TRPS1: variants seen among roughly 807,000 people sequenced by gnomAD.
TRPS1 encodes zinc finger transcription factor Trps1.
A neutral mutation model predicts 101.2 loss-of-function variants in TRPS1; 6 were observed. The ratio of observed to expected loss-of-function variants is 0.06; its 90% CI spans 0.03 to 0.12. The LOEUF (loss-of-function observed/expected upper bound fraction) is 0.12, where lower values mean the gene tolerates loss of function less well. Among genes scored for constraint, TRPS1 ranks in the 10% least tolerant of loss-of-function variants. The pLI, the probability that TRPS1 is intolerant of heterozygous loss-of-function variation, is 1.00. For synonymous variants in TRPS1, 578 were observed against 589.8 expected (o/e 0.98, Z 0.29); for missense variants, 1,363 against 1,567.0 (o/e 0.87, Z 2.20).
chr8:115,562,189 G>T (rs909298517), intron 5 of TRPS1, among the ~76,000 whole-genome samples: 1 of 151,842 alleles, frequency 6.6e-6, no homozygotes, highest in African/African-American at 2.4e-5. Context: ...ATAGACCAAT[G>T]ATATTAAAAA....
chr8:115,523,922 C>T (rs1815930117), intron 5 of TRPS1, among the ~76,000 whole-genome samples: 1 of 152,122 alleles, frequency 6.6e-6, no homozygotes, highest in African/African-American at 2.4e-5. Flanking sequence ...CTTCCATTCT[C>T]TTTCCAAAAT....
chr8:115,461,430 C>T (rs1039163325), intron 5 of TRPS1, among the ~76,000 whole-genome samples: 1 of 152,050 alleles, frequency 6.6e-6, no homozygotes, highest in Non-Finnish European at 1.5e-5. Flanking sequence ...TTGAAGCAAT[C>T]AATAGTTTGC....
intron 4 of TRPS1, among the ~76,000 whole-genome samples, chr8:115,588,874 T>TA (rs1256472225): frequency 1.3e-5 from 2 of 152,204 alleles, no homozygotes; most frequent in South Asian, 2.1e-4. Flanking sequence ...CATTGGTGAA[T>TA]AAAAGATATA....
At chr8:115,630,789 T>A (rs1425652314) in intron 1 of TRPS1, among the ~76,000 whole-genome samples, 1 of 152,046 alleles carries the variant, frequency 6.6e-6, no homozygotes, top group Non-Finnish European at 1.5e-5. Context: ...ATCGCTTGTC[T>A]AGGTGCAGAC....
intron 5 of TRPS1, among the ~76,000 whole-genome samples, chr8:115,499,575 AAG>A (rs1815250166): frequency 6.6e-6 from 1 of 152,202 alleles, no homozygotes; most frequent in Admixed American, 6.5e-5. Flanking sequence ...TCTAAACAAC[AAG>A]AAAAACAGTT....
At chr8:115,616,543 C>G (rs1221631567) in intron 3 of TRPS1, among the ~76,000 whole-genome samples, 1 of 146,318 alleles carries the variant, frequency 6.8e-6, no homozygotes, top group African/African-American at 2.6e-5. Flanking sequence ...TTTTTTTTGG[C>G]CTAAAATGTC....
chr8:115,632,806 GA>G (rs1426112372), intron 1 of TRPS1, among the ~76,000 whole-genome samples: 1 of 152,116 alleles, frequency 6.6e-6, no homozygotes, highest in African/African-American at 2.4e-5. Flanking sequence ...TAGCAGTCAG[GA>G]GAGTGACTGA....
chr8:115,662,823 A>G (rs2130632650), intron 1 of TRPS1, among the ~76,000 whole-genome samples: 1 of 152,190 alleles, frequency 6.6e-6, no homozygotes, highest in Non-Finnish European at 1.5e-5. Flanking sequence ...TTTTCAATCT[A>G]AAAATGCATT....
At chr8:115,459,324 A>AAATAATAATAATAATAAT (rs61516910) in intron 5 of TRPS1, among the ~76,000 whole-genome samples, 210 of 149,942 alleles carry the variant, frequency 1.4e-3, no homozygotes, top group Middle Eastern at 3.5e-3. Context: ...ACTCTGTCTC[A>AAATAATAATAATAATAAT]AATAATAATA....
At chr8:115,663,749 A>T (rs1471972659) in intron 1 of TRPS1, among the ~76,000 whole-genome samples, 2 of 146,098 alleles carry the variant, frequency 1.4e-5, no homozygotes, top group Non-Finnish European at 3.0e-5. Flanking sequence ...AAAAACTGGG[A>T]TAGCAAAAAG....
chr8:115,593,241 A>G (rs1349514941), intron 4 of TRPS1, among the ~76,000 whole-genome samples: 2 of 152,184 alleles, frequency 1.3e-5, no homozygotes, highest in Non-Finnish European at 2.9e-5. Context: ...AATAATCCCA[A>G]TTCATTTTTT....
In TRPS1 at chr8:115,587,486, C is replaced by A; in HGVS notation, c.2215G>T (p.Gly739Cys). Residue 739 changes from glycine (G) to cysteine (C), a missense_variant, in exon 5 of 7, where the codon GGC becomes TGC. This residue lies in a region of TRPS1 where 1,020 missense variants were observed against 1,073.0 expected (regional missense o/e 0.95). Transcript: ENST00000395715. The stretch of plus-strand genomic sequence containing the variant: ...GATATGGCATGACCGTCCTCTTCGC[C>A]GTTGGCTGTAGTGATGTCCTGTTCC... The part of the protein sequence containing the change: ...CQEQDITTAN[G>C]EEDGHAISTI... 6.2e-7 allele frequency: 1 copy of A among 1,614,110 alleles called. No homozygotes were observed. Among genetic ancestry groups the A allele is most frequent in the South Asian group, 1.1e-5 (1 of 91,074 alleles).
chr8:115,653,168 T>C (rs1811601511), intron 1 of TRPS1, among the ~76,000 whole-genome samples: 1 of 152,128 alleles, frequency 6.6e-6, no homozygotes, highest in South Asian at 2.1e-4. Context: ...ATATTTTACA[T>C]ACAGGGGGAG....
chr8:115,611,062 A>G (rs1365630037), intron 3 of TRPS1, among the ~76,000 whole-genome samples: 1 of 151,280 alleles, frequency 6.6e-6, no homozygotes, highest in Non-Finnish European at 1.5e-5. Context: ...GGTTGCAGTG[A>G]GCCGAGACCA....
chr8:115,629,673 T>C (rs901839643), intron 1 of TRPS1, among the ~76,000 whole-genome samples: 1 of 151,926 alleles, frequency 6.6e-6, no homozygotes, highest in Non-Finnish European at 1.5e-5. Flanking sequence ...CAAAGGCCTT[T>C]AATTAAATAT....
chr8:115,538,006 A>G (rs1319384548), intron 5 of TRPS1, among the ~76,000 whole-genome samples: 3 of 152,228 alleles, frequency 2.0e-5, no homozygotes, highest in African/African-American at 2.4e-5. Context: ...TCTCCCCATC[A>G]GCAGAAAGAG....
intron 5 of TRPS1, among the ~76,000 whole-genome samples, chr8:115,534,802 A>T (rs1424056742): frequency 6.6e-6 from 1 of 152,126 alleles, no homozygotes; most frequent in Non-Finnish European, 1.5e-5. Context: ...AAGAAACTAC[A>T]TTACTTAATC....
At chr8:115,659,729 T>C (rs1811751893) in intron 1 of TRPS1, among the ~76,000 whole-genome samples, 1 of 152,002 alleles carries the variant, frequency 6.6e-6, no homozygotes, top group Admixed American at 6.6e-5. Flanking sequence ...AAAGATGATG[T>C]GCAGATAATG....
chr8:115,619,142 T>C lies in TRPS1; in HGVS notation c.956A>G (p.Tyr319Cys), dbSNP rs1818329316. The C allele has an allele frequency of 6.2e-7, 1 of 1,614,146 alleles. No homozygotes were observed. Among genetic ancestry groups the C allele is most frequent in the Non-Finnish European group, 8.5e-7 (1 of 1,180,022 alleles). The change falls in exon 3 of 7, where the codon TAT becomes TGT. Residue 319 changes from tyrosine to cysteine, a missense_variant. Around this residue, in one of 5 missense-constraint regions of TRPS1, gnomAD observed 1,020 missense variants for 1,073.0 expected, o/e 0.95. Coordinates refer to ENST00000395715, the MANE Select transcript of TRPS1 (RefSeq NM_014112.5). ...ATACAAAGTACAAACCTGCACATCA[T>C]AGGTCCCATTTAGTAAAACAGGCCT... is the stretch of plus-strand genomic sequence containing the variant. ...SSRPVLLNGT[Y>C]DVQVTSGGTF...
Sources: gnomAD v4.1 joint callset for allele counts (sites outside exome capture counted in the v4.1 genomes callset) on GRCh38, gnomAD v4.1.1 for gene constraint, gnomAD v4.1.1 regional missense constraint, MANE v1.5 for transcripts, NCBI Gene and HGNC (gene_info 2026-07-23, HGNC 2026-07-21) for gene names.